The following NTRK2 variants were observed in gnomAD, a reference collection of about 807,000 sequenced individuals.
NTRK2 encodes BDNF/NT-3 growth factors receptor.
Under a neutral mutation model 94.5 loss-of-function variants are expected in NTRK2, and 13 were observed. That is an observed-to-expected ratio of 0.14 (90% confidence interval 0.09 to 0.22). The LOEUF (loss-of-function observed/expected upper bound fraction) is 0.22, where lower values mean the gene tolerates loss of function less well. Among genes scored for constraint, NTRK2 ranks in the 10% least tolerant of loss-of-function variants. The probability of loss-of-function intolerance (pLI) is 1.00; values close to 1 mark genes in which losing one functional copy is unlikely to be tolerated. For missense variants in NTRK2, 639 were observed against 1,071.2 expected, an observed-to-expected ratio of 0.60 and a Z score of 5.63; for synonymous variants, 372 against 407.4, an observed-to-expected ratio of 0.91 and a Z score of 1.05.
intron 7 of NTRK2, 70 bp downstream of exon 7, chr9:84,723,779 C>T (rs1282243269): frequency 1.3e-5 from 21 of 1,576,860 alleles, no homozygotes; most frequent in Non-Finnish European, 1.8e-5. Context: ...ATGTATTAAA[C>T]CTAGTGATGA....
At chr9:84,905,929 G>A (rs576449756) in intron 14 of NTRK2, among the ~76,000 whole-genome samples, 36 of 152,284 alleles carry the variant, frequency 2.4e-4, no homozygotes, top group African/African-American at 8.2e-4. Flanking sequence ...TTTTAATCTG[G>A]GTACATGAGT....
intron 12 of NTRK2, among the ~76,000 whole-genome samples, chr9:84,804,203 T>C (rs1166025965): frequency 6.6e-6 from 1 of 152,092 alleles, no homozygotes; most frequent in African/African-American, 2.4e-5. Flanking sequence ...ATTATCTCTA[T>C]TTTTACTCTT....
intron 13 of NTRK2, among the ~76,000 whole-genome samples, chr9:84,864,813 T>A (rs775409314): frequency 4.3e-5 from 6 of 137,972 alleles, no homozygotes; most frequent in Non-Finnish European, 9.2e-5. Flanking sequence ...TGATCTCAGC[T>A]CACCACAACT....
rs768992846 is a variant in NTRK2, at chr9:84,744,822, C to T, written c.1196-151C>T. On this transcript the variant is annotated intron_variant, in intron 10 of 18. Transcript: ENST00000277120. ...CGCTGCAGTGCATTGAACTCAGCAG[C>T]CTGGTCACGTCCCTCCACAGCCAGA... 6.6e-6 allele frequency: 5 copies of T among 755,230 alleles called. No homozygotes were observed. In the African/African-American group the frequency reaches 8.5e-5, roughly 13 times the overall value. 46.8% of individuals were successfully genotyped at this position (755,230 alleles called of 1,614,324 possible).
At position 84,956,931 on chromosome 9, in the gene NTRK2, G is replaced by A. The variant is rs1229098085; in HGVS notation, c.2172+1414G>A. 7.9e-5 allele frequency among the ~76,000 whole-genome samples: 12 copies of A among 152,010 alleles called. No individual in the cohort carries two copies. The East Asian group carries it at 2.1e-3, about 27-fold the overall frequency. On this transcript the variant is annotated intron_variant, in intron 17 of 18. Transcript: ENST00000277120. ...AAGGAATAGAGACCACATGGAAAAAGATTCTCTTGGGTGTATTTGCAGGAG... is the reference window on the plus strand; with the variant it reads ...AAGGAATAGAGACCACATGGAAAAAAATTCTCTTGGGTGTATTTGCAGGAG...
At chr9:84,876,705 A>T (rs1274014401) in intron 14 of NTRK2, 2 of 1,060,582 alleles carry the variant, frequency 1.9e-6, no homozygotes, top group Admixed American at 5.4e-5. Context: ...TAATGATCAC[A>T]TTTCTTCCTA....
chr9:84,821,103 CT>C (rs1021614229), intron 12 of NTRK2, among the ~76,000 whole-genome samples: 1 of 151,992 alleles, frequency 6.6e-6, no homozygotes, highest in East Asian at 1.9e-4. Context: ...AACCTGTTTT[CT>C]TTTTTTTATT....
At chr9:84,879,421 C>T (rs910918509) in intron 14 of NTRK2, among the ~76,000 whole-genome samples, 7 of 152,194 alleles carry the variant, frequency 4.6e-5, no homozygotes, top group African/African-American at 1.7e-4. Flanking sequence ...ATTCCATTTT[C>T]ACTCAGCCAG....
chr9:84,699,185 C>T (rs7023018), intron 2 of NTRK2, among the ~76,000 whole-genome samples: 2,851 of 152,022 alleles, frequency 0.019, 107 homozygotes, highest in African/African-American at 0.065. Flanking sequence ...TACAGGTACC[C>T]GCCACCACGC....
At chr9:84,932,571 TA>T (rs1012056889) in intron 14 of NTRK2, among the ~76,000 whole-genome samples, 4 of 152,058 alleles carry the variant, frequency 2.6e-5, no homozygotes, top group African/African-American at 9.7e-5. Context: ...CACAATCAAT[TA>T]AAAAAACATT....
In NTRK2 at chr9:84,670,824, T is replaced by C. The variant is rs199900277; in HGVS notation, c.76T>C (p.Trp26Arg). ...WGFCWLVVGFWRAAFACPTSC... is the reference protein window; with the variant it reads ...WGFCWLVVGFRRAAFACPTSC... ...CTTCTGCTGGCTGGTTGTGGGCTTC[T>C]GGAGGGCCGCTTTCGCCTGTCCCAC... Residue 26 changes from tryptophan to arginine, a missense_variant, in exon 2 of 19, where the codon TGG becomes CGG. Coordinates refer to ENST00000277120, the MANE Select transcript of NTRK2 (RefSeq NM_006180.6). The C allele has an allele frequency of 1.2e-6, 2 of 1,614,170 alleles. No homozygotes were observed. The highest frequency in any genetic ancestry group is 1.7e-6 in the Non-Finnish European group (2 of 1,180,038).
chr9:84,954,827 G>A (rs1240180111), intron 16 of NTRK2, among the ~76,000 whole-genome samples: 2 of 152,196 alleles, frequency 1.3e-5, no homozygotes, highest in East Asian at 3.9e-4. Flanking sequence ...AGGTGGGAAG[G>A]GGTGGGGACC....
At chr9:84,923,609 G>T (rs2077639826) in intron 14 of NTRK2, among the ~76,000 whole-genome samples, 1 of 152,136 alleles carries the variant, frequency 6.6e-6, no homozygotes, top group Non-Finnish European at 1.5e-5. Flanking sequence ...CTTACTTAAA[G>T]AAGTCAATTA....
rs900949398 is a variant in NTRK2, at chr9:85,025,039, G to C, written c.*3602G>C. The C allele has an allele frequency of 4.3e-6, 1 of 232,918 alleles. No individual in the cohort carries two copies. The highest frequency in any genetic ancestry group is 8.5e-6 in the Non-Finnish European group (1 of 117,938). The allele number at this position is 232,918 out of a possible 1,614,324, so 14.4% of individuals were successfully genotyped here. ...AAGTAGGATGCGGTATGAATAATTT[G>C]CTTAAAATATGCTAAATAACCAAAA... is the stretch of plus-strand genomic sequence containing the variant. On this transcript the variant is annotated 3_prime_UTR_variant, in exon 19 of 19. Coordinates refer to ENST00000277120, the MANE Select transcript of NTRK2 (RefSeq NM_006180.6).
Position 84,859,205 on chromosome 9 carries a change from G to A in NTRK2, c.1397-1835G>A, listed in dbSNP as rs80159057. The stretch of plus-strand genomic sequence containing the variant: ...TTTCATGGGGCACACGATGGGAGGG[G>A]AATATTTGTGAGGTCTCTTCCCAGT... On this transcript the variant is annotated intron_variant, in intron 12 of 18. Transcript: ENST00000277120. Among the ~76,000 whole-genome samples, 668 of 152,306 alleles carry A rather than the reference G, an allele frequency of 4.4e-3. 6 individuals carry two copies. The highest frequency in any genetic ancestry group is 6.7e-3 in the Non-Finnish European group (456 of 68,010).
intron 9 of NTRK2, among the ~76,000 whole-genome samples, chr9:84,741,212 A>G (rs2063624056): frequency 6.6e-6 from 1 of 152,240 alleles, no homozygotes; most frequent in Admixed American, 6.5e-5. Context: ...CATCTTGGTG[A>G]CTGCAGAGCC....
intron 11 of NTRK2, among the ~76,000 whole-genome samples, chr9:84,749,641 A>G (rs1647660773): frequency 6.6e-6 from 1 of 152,206 alleles, no homozygotes; most frequent in Non-Finnish European, 1.5e-5. Flanking sequence ...ATATTGTAGT[A>G]GATACTGTTC....
intron 11 of NTRK2, among the ~76,000 whole-genome samples, chr9:84,745,377 C>G (rs1271469468): frequency 6.6e-6 from 1 of 152,126 alleles, no homozygotes; most frequent in Non-Finnish European, 1.5e-5. Flanking sequence ...GGGACTACAC[C>G]TTCATACCTG....
chr9:84,928,751 A>G (rs995901869), intron 14 of NTRK2, among the ~76,000 whole-genome samples: 53 of 152,176 alleles, frequency 3.5e-4, no homozygotes, highest in African/African-American at 1.2e-3. Flanking sequence ...TGGGAGATGG[A>G]ACTGCTAAAG....
Sources: allele counts gnomAD v4.1 joint callset (sites outside exome capture counted in the v4.1 genomes callset), GRCh38; gene constraint gnomAD v4.1.1; transcripts MANE v1.5; gene names NCBI Gene and HGNC (gene_info 2026-07-23, HGNC 2026-07-21).